The following PALLD variants were observed in gnomAD, a reference collection of about 807,000 sequenced individuals.
PALLD encodes palladin, cytoskeletal associated protein.
Under a neutral mutation model 123.5 loss-of-function variants are expected in PALLD, and 61 were observed. The ratio of observed to expected loss-of-function variants is 0.49; its 90% confidence interval spans 0.40 to 0.61. The LOEUF is 0.61. Among genes scored for constraint, PALLD ranks in the 20% least tolerant of loss-of-function variants. PALLD has a pLI of 0.00. For missense variants in PALLD, 1,273 were observed against 1,377.0 expected (o/e 0.92, Z 1.20); for synonymous variants, 465 against 496.4 (o/e 0.94, Z 0.84).
intron 16 of PALLD, 107 bp from the exon 17 acceptor site, chr4:168,915,788 A>T: frequency 1.2e-6 from 1 of 845,764 alleles, no homozygotes; most frequent in East Asian, 2.5e-5. Context: ...GGATCAGATA[A>T]GGAAATCATA....
chr4:168,569,886 A>C (rs1232135290), intron 2 of PALLD, among the ~76,000 whole-genome samples: 2 of 152,158 alleles, frequency 1.3e-5, no homozygotes, highest in Admixed American at 6.6e-5. Flanking sequence ...TGAAAAATAC[A>C]ATCAGGGGCT....
chr4:168,624,715 C>T (rs933156387), intron 2 of PALLD, among the ~76,000 whole-genome samples: 1 of 151,960 alleles, frequency 6.6e-6, no homozygotes, highest in Non-Finnish European at 1.5e-5. Context: ...TATTTATAAA[C>T]AATATGAGTA....
chr4:168,853,844 G>C (rs1487340573), intron 10 of PALLD, among the ~76,000 whole-genome samples: 1 of 152,196 alleles, frequency 6.6e-6, no homozygotes. Flanking sequence ...CAGCGTGTGG[G>C]AGAAGTGTAG....
intron 8 of PALLD, among the ~76,000 whole-genome samples, chr4:168,696,408 T>A (rs1783132044): frequency 1.3e-5 from 2 of 151,906 alleles, no homozygotes; most frequent in Admixed American, 6.6e-5. Flanking sequence ...AAGATGCCAC[T>A]TAGATTGTGC....
At chr4:168,664,442 A>G (rs935003067) in intron 2 of PALLD, among the ~76,000 whole-genome samples, 2 of 152,214 alleles carry the variant, frequency 1.3e-5, no homozygotes, top group Non-Finnish European at 2.9e-5. Context: ...CTCTTCAGCA[A>G]CCGCATATGG....
At chr4:168,857,026 A>T (rs1368207574) in intron 10 of PALLD, among the ~76,000 whole-genome samples, 1 of 152,362 alleles carries the variant, frequency 6.6e-6, no homozygotes, top group African/African-American at 2.4e-5. Context: ...AAATGTTAGA[A>T]AAGTTCAGAA....
At chr4:168,669,494 G>A (rs1454505285) in intron 3 of PALLD, among the ~76,000 whole-genome samples, 2 of 152,182 alleles carry the variant, frequency 1.3e-5, no homozygotes, top group Admixed American at 1.3e-4. Flanking sequence ...AGGAGGCTGA[G>A]GAGGTAAGGA....
intron 2 of PALLD, among the ~76,000 whole-genome samples, chr4:168,581,615 A>G (rs1230888400): frequency 6.6e-6 from 1 of 151,924 alleles, no homozygotes; most frequent in African/African-American, 2.4e-5. Flanking sequence ...TTACTGAGTT[A>G]CTCAGTAAAC....
chr4:168,711,177 T>G (rs1784802201), intron 9 of PALLD, among the ~76,000 whole-genome samples: 2 of 152,236 alleles, frequency 1.3e-5, no homozygotes, highest in Admixed American at 1.3e-4. Flanking sequence ...CATAAAACCT[T>G]TACAGCTTGA....
chr4:168,605,017 C>T (rs1462542708), intron 2 of PALLD, among the ~76,000 whole-genome samples: 1 of 152,104 alleles, frequency 6.6e-6, no homozygotes, highest in Non-Finnish European at 1.5e-5. Flanking sequence ...TTGTGTTTGT[C>T]GAAGTCTTTG....
intron 10 of PALLD, among the ~76,000 whole-genome samples, chr4:168,805,922 G>A (rs944992820): frequency 1.3e-5 from 2 of 152,130 alleles, no homozygotes; most frequent in Non-Finnish European, 2.9e-5. Context: ...CTTTGATGAT[G>A]CGGTTTGGCC....
At chr4:168,863,634 A>G (rs1353529716) in intron 10 of PALLD, 1 of 152,218 alleles carries the variant, frequency 6.6e-6, no homozygotes, top group Non-Finnish European at 1.5e-5. Context: ...GAAAGGAAAA[A>G]AAAAGTTTCC....
At chr4:168,838,667 CTTTTTTTTTTTT>C (rs70961558) in intron 10 of PALLD, among the ~76,000 whole-genome samples, 4 of 88,780 alleles carry the variant, frequency 4.5e-5, no homozygotes, top group Admixed American at 1.2e-4. Flanking sequence ...CTTCTAACTC[CTTTTTTTTTTTT>C]TTTTTTTTTT....
intron 10 of PALLD, among the ~76,000 whole-genome samples, chr4:168,736,486 A>T (rs1787767328): frequency 6.6e-6 from 1 of 152,176 alleles, no homozygotes; most frequent in African/African-American, 2.4e-5. Flanking sequence ...GGCTCTGCTT[A>T]TTTTATTCCG....
chr4:168,832,806 G>GC (rs1482128957), intron 10 of PALLD: 1 of 152,376 alleles, frequency 6.6e-6, no homozygotes, highest in Non-Finnish European at 1.5e-5. Context: ...GCTGTGCCCG[G>GC]CCCGCAGTCG....
chr4:168,606,663 C>T (rs1393474144), intron 2 of PALLD, among the ~76,000 whole-genome samples: 1 of 92,116 alleles, frequency 1.1e-5, no homozygotes. Flanking sequence ...GACTCCGTCT[C>T]AAAAAAAAAA....
In PALLD at chr4:168,844,812, G is replaced by A. The variant is rs920264156; in HGVS notation, c.1965-46110G>A. ...CCAGTATCATTTATTCAGCAAACAT[G>A]TACTGAGTTTGTTTTGTGCTCAGCA... On this transcript the variant is annotated intron_variant, in intron 10 of 21. Coordinates refer to ENST00000505667, the MANE Select transcript of PALLD (RefSeq NM_001166108.2). The surrounding 1 kb of genome is among the most constrained non-coding windows in gnomAD (Gnocchi z 4.5). 2.0e-5 allele frequency: 3 copies of A among 152,208 alleles called. No homozygotes were observed. Among genetic ancestry groups the A allele is most frequent in the East Asian group, 1.9e-4 (1 of 5,206 alleles). The allele number at this position is 152,208 out of a possible 1,614,324, so 9.4% of individuals were successfully genotyped here. A position where few individuals can be genotyped will look rare whatever the true frequency, so the allele number is the denominator to read the frequency against.
At chr4:168,552,743 T>G (rs1766866239) in intron 2 of PALLD, among the ~76,000 whole-genome samples, 1 of 152,134 alleles carries the variant, frequency 6.6e-6, no homozygotes. Context: ...TGGCATGATC[T>G]CAGCTCACTG....
intron 10 of PALLD, among the ~76,000 whole-genome samples, chr4:168,772,193 C>T (rs13108618): frequency 0.33 from 50,564 of 151,690 alleles, 9,111 homozygotes; most frequent in Non-Finnish European, 0.42. Flanking sequence ...TTTCTTAAAA[C>T]GACTAGAGGG....
Sources: allele counts gnomAD v4.1 joint callset (sites outside exome capture counted in the v4.1 genomes callset), GRCh38; gene constraint gnomAD v4.1.1; non-coding constraint Gnocchi (gnomAD v3.1); transcripts MANE v1.5; gene names NCBI Gene and HGNC (gene_info 2026-07-23, HGNC 2026-07-21).